AKR1D1: variants seen among roughly 807,000 people sequenced by gnomAD.
The protein encoded by AKR1D1 is delta(4)-3-ketosteroid 5-beta-reductase.
A neutral mutation model predicts 42.6 loss-of-function variants in AKR1D1; 32 were observed. The observed-to-expected ratio is 0.75, with a 90% CI of 0.57 to 1.01. AKR1D1 has a LOEUF of 1.01. Ranked by LOEUF, AKR1D1 falls within the 50% of genes least tolerant of loss-of-function variation. The pLI, the probability that AKR1D1 is intolerant of heterozygous loss-of-function variation, is 0.00. For synonymous variants in AKR1D1, 123 were observed against 135.5 expected, an observed-to-expected ratio of 0.91 and a Z score of 0.64; for missense variants, 364 against 402.2, an observed-to-expected ratio of 0.91 and a Z score of 0.81.
chr7:138,099,687 AAAAG>A (rs1794251793), intron 4 of AKR1D1, among the ~76,000 whole-genome samples: 1 of 151,932 alleles, frequency 6.6e-6, no homozygotes, highest in African/African-American at 2.4e-5. Flanking sequence ...ACTCTAAGAA[AAAAG>A]AAAGAAGAAA....
intron 4 of AKR1D1, among the ~76,000 whole-genome samples, chr7:138,101,302 C>T (rs571223867): frequency 7.3e-5 from 11 of 151,682 alleles, no homozygotes; most frequent in African/African-American, 2.2e-4. Flanking sequence ...CGGGTTCAAT[C>T]GATTCTCCTG....
intron 7 of AKR1D1, among the ~76,000 whole-genome samples, chr7:138,111,495 C>T (rs117195038): frequency 6.6e-5 from 10 of 152,326 alleles, no homozygotes; most frequent in Non-Finnish European, 1.0e-4. Context: ...CTTTCAACCA[C>T]ATCTGATACA....
chr7:138,084,251 T>A (rs1346656111), intron 1 of AKR1D1, among the ~76,000 whole-genome samples: 2 of 138,510 alleles, frequency 1.4e-5, no homozygotes, highest in Non-Finnish European at 3.1e-5. Flanking sequence ...AAAGTTTTAA[T>A]CTAGCTTTTT....
At chr7:138,090,186 AC>A (rs1191277576) in intron 2 of AKR1D1, among the ~76,000 whole-genome samples, 1 of 152,180 alleles carries the variant, frequency 6.6e-6, no homozygotes, top group African/African-American at 2.4e-5. Flanking sequence ...CACCAAAGAG[AC>A]CCAGAGTAGC....
Position 138,101,258 on chromosome 7 carries a change from G to A in AKR1D1, c.456+3315G>A, listed in dbSNP as rs187694071. ...TCTGTAGCCCAGGCTGGAGTGCAGT[G>A]GCGCAATCTCAGCTCACTGCAACCT... On this transcript the variant is annotated intron_variant, in intron 4 of 8. Coordinates refer to ENST00000242375, the MANE Select transcript of AKR1D1 (RefSeq NM_005989.4). Among the ~76,000 whole-genome samples, 1,256 of 141,226 alleles carry A rather than the reference G, an allele frequency of 8.9e-3. 22 individuals carry two copies. The highest frequency in any genetic ancestry group is 0.032 in the African/African-American group (1,203 of 37,940). 92.6% of individuals were successfully genotyped at this position (141,226 alleles called of 152,430 possible). A position where few individuals can be genotyped will look rare whatever the true frequency, so the allele number is the denominator to read the frequency against.
chr7:138,079,363 A>C (rs1221896552), intron 1 of AKR1D1, among the ~76,000 whole-genome samples: 1 of 152,116 alleles, frequency 6.6e-6, no homozygotes, highest in East Asian at 1.9e-4. Context: ...TCTTTTCTCC[A>C]TTTTGTCCTA....
rs769312349 is a variant in AKR1D1 at position 138,076,539 on chromosome 7, T to G, written c.21T>G (p.Ser7Arg). ...CCACAATGGATCTCAGTGCTGCAAG[T>G]CACCGCATACCTCTAAGTGATGGAA... The part of the protein sequence containing the change: MDLSAA[S>R]HRIPLSDGNS... Residue 7 changes from serine (S) to arginine (R), a missense_variant, in exon 1 of 9, where the codon AGT (serine) becomes AGG (arginine). Ser to Arg is a moderately radical substitution (Grantham distance 110, BLOSUM62 -1). Transcript: ENST00000242375. 2.7e-5 allele frequency: 43 copies of G among 1,613,440 alleles called. No homozygotes were observed. In the South Asian group the frequency reaches 4.1e-4, roughly 15 times the overall value.
At position 138,107,521 on chromosome 7, in the gene AKR1D1, C is replaced by A; in HGVS notation, c.796C>A (p.Arg266=). The A allele has an allele frequency of 6.2e-7, 1 of 1,614,066 alleles. No individual in the cohort carries two copies. The highest frequency in any genetic ancestry group is 8.5e-7 in the Non-Finnish European group (1 of 1,179,994). The change falls in exon 7 of 9, where the codon CGA becomes AGA. Residue 266 remains arginine (R), a synonymous_variant. Coordinates refer to ENST00000242375, the MANE Select transcript of AKR1D1 (RefSeq NM_005989.4). ...AATTGTTTTGCGTTTCAACATCCAG[C>A]GAGGGGTGGTTGTCATTCCTAAAAG... ...AQIVLRFNIQ[R]GVVVIPKSFN...
At chr7:138,086,684 A>T (rs562167375) in intron 1 of AKR1D1, among the ~76,000 whole-genome samples, 18 of 152,350 alleles carry the variant, frequency 1.2e-4, no homozygotes, top group African/African-American at 4.3e-4. Context: ...CAACAAATCA[A>T]TAGGTGTGGA....
chr7:138,078,239 G>A (rs1802982880), intron 1 of AKR1D1, among the ~76,000 whole-genome samples: 1 of 152,168 alleles, frequency 6.6e-6, no homozygotes, highest in South Asian at 2.1e-4. Flanking sequence ...TGGAATTATA[G>A]GCGTGAGACA....
At chr7:138,096,878 T>C (rs2117443770) in intron 3 of AKR1D1, among the ~76,000 whole-genome samples, 1 of 152,356 alleles carries the variant, frequency 6.6e-6, no homozygotes, top group East Asian at 1.9e-4. Context: ...GTGGATTTAA[T>C]ACCATTTTAC....
chr7:138,087,740 T>A (rs1219928585), intron 1 of AKR1D1, among the ~76,000 whole-genome samples: 1 of 152,188 alleles, frequency 6.6e-6, no homozygotes, highest in South Asian at 2.1e-4. Context: ...CACTGATCTA[T>A]GTCTGTCACC....
At chr7:138,090,590 T>C (rs944605498) in intron 2 of AKR1D1, among the ~76,000 whole-genome samples, 1 of 140,596 alleles carries the variant, frequency 7.1e-6, no homozygotes, top group African/African-American at 2.7e-5. Context: ...TAAGCCAAGA[T>C]CAAGCCACTG....
At chr7:138,078,153 G>A (rs1802980827) in intron 1 of AKR1D1, among the ~76,000 whole-genome samples, 1 of 152,198 alleles carries the variant, frequency 6.6e-6, no homozygotes, top group South Asian at 2.1e-4. Context: ...GTAGAGAAGG[G>A]GTTTCATCAT....
At chr7:138,088,822 C>T in intron 2 of AKR1D1, 54 bp downstream of exon 2, 1 of 1,521,214 alleles carries the variant, frequency 6.6e-7, no homozygotes, top group Non-Finnish European at 8.8e-7. Context: ...TTCAGTTGTT[C>T]ATTTTATTAT....
chr7:138,079,787 C>A (rs1400157974), intron 1 of AKR1D1, among the ~76,000 whole-genome samples: 1 of 152,194 alleles, frequency 6.6e-6, no homozygotes, highest in Non-Finnish European at 1.5e-5. Context: ...TCATAATGGG[C>A]AGCTCTGGCC....
intron 4 of AKR1D1, 200 bp downstream of exon 4, chr7:138,098,143 T>G: frequency 1.9e-6 from 1 of 537,480 alleles, no homozygotes; most frequent in Non-Finnish European, 3.3e-6. Context: ...TTTGTTTTGC[T>G]GGAATGCCAA....
rs543750775 is a variant in AKR1D1, at chr7:138,105,205, C to T, written c.457-102C>T. 2.9e-5 allele frequency: 45 copies of T among 1,532,636 alleles called. 1 individual carries two copies. The South Asian group carries it at 5.0e-4, about 17-fold the overall frequency. The allele number at this position is 1,532,636 out of a possible 1,614,324, so 94.9% of individuals were successfully genotyped here. A position where few individuals can be genotyped will look rare whatever the true frequency, so the allele number is the denominator to read the frequency against. ...TTTCGCAAGATGCTTATTAACATAC[C>T]CAGGAACTTTCCTTTTTAAAGAATT... On this transcript the variant is annotated intron_variant, in intron 4 of 8. Transcript: ENST00000242375.
chr7:138,084,787 G>C (rs574790207), intron 1 of AKR1D1, among the ~76,000 whole-genome samples: 30 of 152,150 alleles, frequency 2.0e-4, no homozygotes, highest in African/African-American at 7.2e-4. Flanking sequence ...GCCGGGTGCA[G>C]TGGCTCACGC....
Sources: gnomAD v4.1 joint callset for allele counts (sites outside exome capture counted in the v4.1 genomes callset) on GRCh38, gnomAD v4.1.1 for gene constraint, MANE v1.5 for transcripts, NCBI Gene and HGNC (gene_info 2026-07-23, HGNC 2026-07-21) for gene names.